GART: variants seen among roughly 807,000 people sequenced by gnomAD.
The protein encoded by GART is trifunctional purine biosynthetic protein adenosine-3.
A neutral mutation model predicts 107.2 loss-of-function variants in GART; 43 were observed. That is an observed-to-expected ratio of 0.40 (90% confidence interval 0.31 to 0.52). GART has a LOEUF of 0.52. GART is among the 20% of genes least tolerant of loss of function. GART has a pLI of 0.52. For missense variants in GART, 1,107 were observed against 1,206.5 expected (o/e 0.92, Z 1.22); for synonymous variants, 434 against 427.0 (o/e 1.02, Z -0.20).
Position 33,528,835 on chromosome 21 carries a change from T to C in GART, c.811+15A>G, listed in dbSNP as rs2085126309. 1.9e-6 allele frequency: 3 copies of C among 1,570,118 alleles called. No homozygotes were observed. Among genetic ancestry groups the C allele is most frequent in the Admixed American group, 1.7e-5 (1 of 58,326 alleles). On this transcript the variant is annotated intron_variant, in intron 8 of 21. Transcript: ENST00000381815. ...ACTCTATAGGTGGCTTCCATAGTAA[T>C]GTGGGTGGGCCTACCTGTATATGGA...
At chr21:33,531,446 G>A (rs2085186738) in intron 6 of GART, 43 bp downstream of exon 6, 2 of 1,556,458 alleles carry the variant, frequency 1.3e-6, no homozygotes, top group African/African-American at 2.7e-5. Context: ...TCAGATGACA[G>A]CTTCTTATAC....
intron 16 of GART, among the ~76,000 whole-genome samples, chr21:33,515,597 G>A (rs753600144): frequency 9.4e-5 from 12 of 127,672 alleles, no homozygotes; most frequent in Non-Finnish European, 1.5e-4. Flanking sequence ...CTGCGATTGC[G>A]CCACTGCACT....
intron 2 of GART, among the ~76,000 whole-genome samples, chr21:33,538,403 A>AT (rs201137454): frequency 0.092 from 13,762 of 149,120 alleles, 824 homozygotes; most frequent in East Asian, 0.26. Context: ...TAATTTTTGT[A>AT]TTTTTTTTTT....
intron 12 of GART, among the ~76,000 whole-genome samples, chr21:33,521,951 CAAAAAAA>C (rs1252653074): frequency 8.5e-5 from 7 of 82,806 alleles, no homozygotes; most frequent in African/African-American, 3.0e-4. Flanking sequence ...ACTCTTGTCT[CAAAAAAA>C]AAAAAAAAAA....
chr21:33,508,174 CCA>C (rs1243051646), intron 18 of GART, among the ~76,000 whole-genome samples: 1 of 152,002 alleles, frequency 6.6e-6, no homozygotes, highest in Non-Finnish European at 1.5e-5. Context: ...GTAATTGCTC[CCA>C]CAAATTCTGT....
chr21:33,538,688 T>C (rs1251696634), intron 2 of GART, among the ~76,000 whole-genome samples: 1 of 152,224 alleles, frequency 6.6e-6, no homozygotes, highest in Non-Finnish European at 1.5e-5. Context: ...TTCTGAACAA[T>C]AGGTTACCTT....
At position 33,530,833 on chromosome 21, in the gene GART, C is replaced by A; in HGVS notation, c.649G>T (p.Asp217Tyr). The part of the protein sequence containing the change: ...KTVAPMPPAQ[D>Y]HKRLLEGDGG... ...TCTCCCTCCAGTAATCGCTTATGGT[C>A]CTGTGCTGGGGGCATGGGGGCCACA... The change falls in exon 7 of 22, where the codon GAC becomes TAC. Residue 217 changes from aspartate to tyrosine, a missense_variant. Asp to Tyr is a radical substitution (Grantham distance 160, BLOSUM62 -3). Coordinates refer to ENST00000381815, the MANE Select transcript of GART (RefSeq NM_000819.5). The A allele has an allele frequency of 6.5e-7, 1 of 1,543,878 alleles. No homozygotes were observed. The highest frequency in any genetic ancestry group is 8.7e-7 in the Non-Finnish European group (1 of 1,153,886).
chr21:33,529,947 C>T (rs1055957067), intron 7 of GART, among the ~76,000 whole-genome samples: 4 of 151,902 alleles, frequency 2.6e-5, no homozygotes, highest in African/African-American at 7.3e-5. Flanking sequence ...GTAATCCCAG[C>T]ACTTTGGGAG....
chr21:33,524,016 C>G, intron 11 of GART: 1 of 467,236 alleles, frequency 2.1e-6, no homozygotes, highest in Non-Finnish European at 2.8e-6. Flanking sequence ...ACATTTCCAA[C>G]TAAGACTTTA....
chr21:33,534,193 C>T (rs1361287041), intron 4 of GART, among the ~76,000 whole-genome samples: 1 of 152,080 alleles, frequency 6.6e-6, no homozygotes, highest in East Asian at 1.9e-4. Context: ...ATTACATTTT[C>T]AACACAGAAG....
intron 2 of GART, 139 bp downstream of exon 2, chr21:33,539,032 G>A (rs932993188): frequency 9.8e-5 from 63 of 644,232 alleles, no homozygotes; most frequent in Middle Eastern, 4.0e-4. Context: ...CGCATATCTC[G>A]GCCTCCCAAA....
Position 33,511,345 on chromosome 21 carries a change from C to T in GART, c.2221G>A (p.Val741Ile). The T allele has an allele frequency of 6.8e-6, 11 of 1,614,160 alleles. No homozygotes were observed. Among genetic ancestry groups the T allele is most frequent in the Non-Finnish European group, 9.3e-6 (11 of 1,180,014 alleles). Reference sequence around the variant, plus strand: ...ATCTGCTCTGTCTGCTCCTTTGATACCACAAGGACAGCGCCAACCCCACAG... The same window carrying T: ...ATCTGCTCTGTCTGCTCCTTTGATATCACAAGGACAGCGCCAACCCCACAG... ...FNCGVGAVLVVSKEQTEQILR... is the reference protein window; with the variant it reads ...FNCGVGAVLVISKEQTEQILR... Residue 741 changes from valine to isoleucine, a missense_variant, in exon 17 of 22, where the codon GTA becomes ATA. Coordinates refer to ENST00000381815, the MANE Select transcript of GART (RefSeq NM_000819.5).
At chr21:33,514,981 A>G (rs1390061836) in intron 16 of GART, among the ~76,000 whole-genome samples, 1 of 151,636 alleles carries the variant, frequency 6.6e-6, no homozygotes, top group African/African-American at 2.4e-5. Flanking sequence ...CACCTCTATC[A>G]CTCTGACTGC....
At chr21:33,532,675 T>C (rs2085215504) in intron 4 of GART, among the ~76,000 whole-genome samples, 1 of 152,244 alleles carries the variant, frequency 6.6e-6, no homozygotes, top group Non-Finnish European at 1.5e-5. Flanking sequence ...CAATTTTGCT[T>C]TTTTCATTTA....
chr21:33,519,422 C>T (rs1368094178), intron 14 of GART, among the ~76,000 whole-genome samples: 2 of 151,840 alleles, frequency 1.3e-5, no homozygotes, highest in African/African-American at 2.4e-5. Context: ...GGTGTGGTGG[C>T]GGGCACCTGT....
chr21:33,531,409 T>C (rs537629623), intron 6 of GART, 80 bp downstream of exon 6: 26 of 1,202,496 alleles, frequency 2.2e-5, no homozygotes, highest in Non-Finnish European at 2.8e-5. Flanking sequence ...AACCAGAGTA[T>C]ATCAAGTCTT....
rs367918247 is a variant in GART at position 33,521,829 on chromosome 21, G to T, written c.1393+359C>A. On this transcript the variant is annotated intron_variant, in intron 12 of 21. Transcript: ENST00000381815. ...CAAAAATTAGCCAGGCATGATGGTGGGTGCCTATAATCCCAATTACTTGGG... is the reference window on the plus strand; with the variant it reads ...CAAAAATTAGCCAGGCATGATGGTGTGTGCCTATAATCCCAATTACTTGGG... 4.6e-5 allele frequency among the ~76,000 whole-genome samples: 7 copies of T among 151,354 alleles called. No homozygotes were observed. In the East Asian group the frequency reaches 1.4e-3, roughly 29 times the overall value.
intron 6 of GART, 167 bp downstream of exon 6, chr21:33,531,322 T>C (rs1479629598): frequency 3.0e-6 from 2 of 661,162 alleles, no homozygotes; most frequent in Non-Finnish European, 5.3e-6. Context: ...GGATCGATTA[T>C]TTTTTCATTT....
At chr21:33,528,099 GA>G (rs1346937432) in intron 10 of GART, 67 bp downstream of exon 10, 21 of 1,447,620 alleles carry the variant, frequency 1.5e-5, no homozygotes, top group Non-Finnish European at 1.8e-5. Flanking sequence ...CTTAGTGTGA[GA>G]GGGGGGTCTG....
Sources: gnomAD v4.1 joint callset for allele counts (sites outside exome capture counted in the v4.1 genomes callset) on GRCh38, gnomAD v4.1.1 for gene constraint, MANE v1.5 for transcripts, NCBI Gene and HGNC (gene_info 2026-07-23, HGNC 2026-07-21) for gene names.